ADAMTS12: variants seen among roughly 807,000 people sequenced by gnomAD.
ADAMTS12 encodes the protein ADAM metallopeptidase with thrombospondin type 1 motif 12.
A neutral mutation model predicts 167.8 loss-of-function variants in ADAMTS12; 118 were observed. That is an observed-to-expected ratio of 0.70 (90% CI 0.61 to 0.82). The LOEUF (loss-of-function observed/expected upper bound fraction) is 0.82. Among genes scored for constraint, ADAMTS12 ranks in the 40% least tolerant of loss-of-function variants. ADAMTS12 has a pLI of 0.00. For missense variants in ADAMTS12, 1,916 were observed against 1,998.8 expected (o/e 0.96, Z 0.79); for synonymous variants, 704 against 716.9 (o/e 0.98, Z 0.29).
intron 16 of ADAMTS12, among the ~76,000 whole-genome samples, chr5:33,608,372 T>A (rs948979499): frequency 1.2e-4 from 19 of 152,226 alleles, no homozygotes; most frequent in African/African-American, 4.3e-4. Context: ...TAGAATTCTG[T>A]GCTTTAAAAA....
At position 33,624,181 on chromosome 5, in the gene ADAMTS12, GC is replaced by G. The variant is rs758102315; in HGVS notation, c.2143+49del. 4.2e-5 allele frequency: 68 copies of G among 1,608,780 alleles called. 1 individual carries two copies. The Admixed American group carries it at 1.1e-3, about 25-fold the overall frequency. Reference sequence around the variant, plus strand: ...TAGGAACCAATCAACCATTTATCTTGCCCCCCACCTTTGGTCCCCTGCCACT... The same window carrying G: ...TAGGAACCAATCAACCATTTATCTTGCCCCCACCTTTGGTCCCCTGCCACT... On this transcript the variant is annotated intron_variant, in intron 14 of 23. Transcript: ENST00000504830.
At chr5:33,864,543 G>A (rs1317987777) in intron 2 of ADAMTS12, among the ~76,000 whole-genome samples, 3 of 152,316 alleles carry the variant, frequency 2.0e-5, no homozygotes, top group Non-Finnish European at 4.4e-5. Context: ...GCACATGTAT[G>A]TTTATTGCAG....
chr5:33,887,069 G>A (rs929249610), intron 1 of ADAMTS12, among the ~76,000 whole-genome samples: 9 of 151,994 alleles, frequency 5.9e-5, no homozygotes, highest in Non-Finnish European at 1.3e-4. Flanking sequence ...CCTCCTCTCC[G>A]CAAGCTAAGA....
intron 20 of ADAMTS12, among the ~76,000 whole-genome samples, chr5:33,553,901 C>T (rs1196225153): frequency 6.6e-6 from 1 of 152,180 alleles, no homozygotes; most frequent in African/African-American, 2.4e-5. Context: ...CTAAGCAGAA[C>T]AGCATCAAAA....
chr5:33,599,515 G>A (rs1223269131), intron 16 of ADAMTS12, among the ~76,000 whole-genome samples: 5 of 115,954 alleles, frequency 4.3e-5, no homozygotes, highest in African/African-American at 1.1e-4. Flanking sequence ...GGGAAATGGA[G>A]GCACTATCTC....
chr5:33,696,277 C>A (rs930560221), intron 3 of ADAMTS12, among the ~76,000 whole-genome samples: 2 of 151,274 alleles, frequency 1.3e-5, no homozygotes, highest in African/African-American at 2.4e-5. Context: ...AAAAATTAGC[C>A]GGGCACGGTG....
At chr5:33,761,687 G>T (rs1290796245) in intron 2 of ADAMTS12, among the ~76,000 whole-genome samples, 4 of 152,068 alleles carry the variant, frequency 2.6e-5, no homozygotes, top group African/African-American at 7.2e-5. Context: ...TTCTACGGCC[G>T]ACTAATGTCA....
At chr5:33,777,452 C>G (rs1745953893) in intron 2 of ADAMTS12, among the ~76,000 whole-genome samples, 1 of 151,090 alleles carries the variant, frequency 6.6e-6, no homozygotes, top group South Asian at 2.1e-4. Context: ...TCAATAGATG[C>G]AGAAAGAGCA....
chr5:33,746,362 C>G (rs1013500437), intron 3 of ADAMTS12, among the ~76,000 whole-genome samples: 1 of 152,170 alleles, frequency 6.6e-6, no homozygotes, highest in Non-Finnish European at 1.5e-5. Context: ...GATTGGTGAT[C>G]TGACAAGCTA....
chr5:33,636,801 A>G (rs1201969970), intron 12 of ADAMTS12, among the ~76,000 whole-genome samples: 1 of 152,138 alleles, frequency 6.6e-6, no homozygotes, highest in East Asian at 1.9e-4. Flanking sequence ...CAACACAAAT[A>G]TGTTTTTTGA....
At chr5:33,601,725 C>A (rs1738199195) in intron 16 of ADAMTS12, among the ~76,000 whole-genome samples, 1 of 152,132 alleles carries the variant, frequency 6.6e-6, no homozygotes, top group Non-Finnish European at 1.5e-5. Context: ...ATTTTACTAT[C>A]ATCATTTGTT....
intron 23 of ADAMTS12, among the ~76,000 whole-genome samples, chr5:33,528,115 T>A: frequency 6.6e-6 from 1 of 152,018 alleles, no homozygotes; most frequent in East Asian, 1.9e-4. Context: ...GAAATAATGT[T>A]TTTTGCAGCA....
At chr5:33,626,378 G>A (rs1240645573) in intron 13 of ADAMTS12, among the ~76,000 whole-genome samples, 1 of 148,648 alleles carries the variant, frequency 6.7e-6, no homozygotes, top group Admixed American at 6.7e-5. Flanking sequence ...GTGGTGATGG[G>A]GGTGATGGTA....
intron 16 of ADAMTS12, among the ~76,000 whole-genome samples, chr5:33,600,206 T>C (rs7724637): frequency 0.31 from 47,749 of 152,106 alleles, 7,607 homozygotes; most frequent in Non-Finnish European, 0.34. Context: ...TCTGAATGCC[T>C]TTCCCCAGGT....
chr5:33,610,670 A>G (rs987321772), intron 16 of ADAMTS12, among the ~76,000 whole-genome samples: 1 of 152,256 alleles, frequency 6.6e-6, no homozygotes, highest in Admixed American at 6.5e-5. Flanking sequence ...ATCATAAGGC[A>G]TTCATTACAG....
intron 23 of ADAMTS12, among the ~76,000 whole-genome samples, chr5:33,532,568 G>A (rs1422372309): frequency 6.6e-6 from 1 of 151,842 alleles, no homozygotes; most frequent in African/African-American, 2.4e-5. Flanking sequence ...AGGCTTAAGG[G>A]TTTTGCTTTT....
intron 5 of ADAMTS12, among the ~76,000 whole-genome samples, chr5:33,674,523 G>T (rs1473322736): frequency 6.6e-6 from 1 of 152,194 alleles, no homozygotes; most frequent in Non-Finnish European, 1.5e-5. Flanking sequence ...TAATAAAGGT[G>T]ATGGCTTCCT....
At chr5:33,877,477 G>A (rs940667371) in intron 2 of ADAMTS12, among the ~76,000 whole-genome samples, 4 of 152,158 alleles carry the variant, frequency 2.6e-5, no homozygotes, top group Non-Finnish European at 5.9e-5. Flanking sequence ...CCCCCACTGC[G>A]ATACTCATTC....
chr5:33,620,323 T>C (rs1039628584), intron 14 of ADAMTS12, among the ~76,000 whole-genome samples: 1 of 152,236 alleles, frequency 6.6e-6, no homozygotes, highest in Non-Finnish European at 1.5e-5. Context: ...ATGAATCCCA[T>C]GGTGTTATTC....
Sources: allele counts gnomAD v4.1 joint callset (sites outside exome capture counted in the v4.1 genomes callset), GRCh38; gene constraint gnomAD v4.1.1; transcripts MANE v1.5; gene names NCBI Gene and HGNC (gene_info 2026-07-23, HGNC 2026-07-21).